Variants in NBDY observed in about 807,000 individuals in gnomAD.
NBDY encodes P-body dissociating protein.
intron 2 of NBDY, among the ~76,000 whole-genome samples, chrX:56,783,866 G>T (rs1297362547): frequency 1.8e-5 from 2 of 112,567 alleles, no homozygotes; most frequent in Non-Finnish European, 3.8e-5. Context: ...AGAAAGAAAC[G>T]GGCCAAAGAG....
At chrX:56,757,064 A>C (rs1434434765) in intron 2 of NBDY, among the ~76,000 whole-genome samples, 1 of 112,703 alleles carries the variant, frequency 8.9e-6, no homozygotes. Context: ...ACAACGATAA[A>C]TAATATTGAC....
intron 2 of NBDY, among the ~76,000 whole-genome samples, chrX:56,814,500 T>C (rs932114667): frequency 7.3e-5 from 8 of 109,775 alleles, no homozygotes; most frequent in Non-Finnish European, 1.3e-4. Context: ...CACATTTTTT[T>C]TTTTTTTTCT....
chrX:56,735,161 C>T (rs1008036504), intron 2 of NBDY, among the ~76,000 whole-genome samples: 3 of 112,131 alleles, frequency 2.7e-5, no homozygotes, highest in Non-Finnish European at 5.6e-5. Flanking sequence ...GAAAGGACTT[C>T]ACTGATGGAT....
intron 2 of NBDY, among the ~76,000 whole-genome samples, chrX:56,781,365 G>T (rs757111008): frequency 2.4e-4 from 27 of 111,894 alleles, no homozygotes; most frequent in African/African-American, 8.1e-4. Context: ...CTGATGGAGT[G>T]TGCGGGATGG....
intron 2 of NBDY, 143 bp downstream of exon 2, chrX:56,732,342 A>T (rs2069463800): frequency 3.7e-6 from 1 of 272,076 alleles, no homozygotes; most frequent in East Asian, 5.3e-5. Flanking sequence ...ATATGAAAAC[A>T]TATTCATAAT....
intron 2 of NBDY, among the ~76,000 whole-genome samples, chrX:56,783,653 G>A (rs1370357069): frequency 2.7e-5 from 3 of 111,980 alleles, no homozygotes; most frequent in Non-Finnish European, 3.8e-5. Flanking sequence ...ACCCAGTCCC[G>A]CACATTTTCG....
chrX:56,806,650 C>G (rs1291044849), intron 2 of NBDY, among the ~76,000 whole-genome samples: 1 of 112,017 alleles, frequency 8.9e-6, no homozygotes, highest in African/African-American at 3.3e-5. Context: ...CTTTCGCCCA[C>G]TTTTTGATGG....
chrX:56,815,745 T>G (rs1020145559), intron 2 of NBDY, among the ~76,000 whole-genome samples: 4 of 112,105 alleles, frequency 3.6e-5, no homozygotes, highest in Admixed American at 9.5e-5. Context: ...GAGATATTAT[T>G]AAATAAATAA....
chrX:56,802,436 C>G (rs866093818), intron 2 of NBDY, among the ~76,000 whole-genome samples: 1 of 102,945 alleles, frequency 9.7e-6, no homozygotes, highest in African/African-American at 3.6e-5. Context: ...CCCTCCCCCC[C>G]ACCCCATGTG....
chrX:56,782,575 G>T (rs1459463038), intron 2 of NBDY, among the ~76,000 whole-genome samples: 1 of 111,953 alleles, frequency 8.9e-6, no homozygotes, highest in African/African-American at 3.3e-5. Flanking sequence ...CTTCCCACAT[G>T]TTGCTTTTAA....
intron 2 of NBDY, among the ~76,000 whole-genome samples, chrX:56,732,591 A>T (rs754119886): frequency 4.5e-5 from 5 of 111,726 alleles, no homozygotes; most frequent in Non-Finnish European, 9.4e-5. Context: ...GAATAATGAC[A>T]GTTTCTTTAC....
At chrX:56,743,797 TG>T (rs1263428887) in intron 2 of NBDY, among the ~76,000 whole-genome samples, 1 of 111,178 alleles carries the variant, frequency 9.0e-6, no homozygotes, top group Non-Finnish European at 1.9e-5. Flanking sequence ...TCGGCTCTGG[TG>T]TTTATTATTT....
At chrX:56,782,982 G>GACAC (rs764680468) in intron 2 of NBDY, among the ~76,000 whole-genome samples, 10 of 110,885 alleles carry the variant, frequency 9.0e-5, no homozygotes, top group Non-Finnish European at 1.9e-4. Context: ...GATACACACA[G>GACAC]ACACACACAC....
At chrX:56,814,222 G>A (rs965892120) in intron 2 of NBDY, among the ~76,000 whole-genome samples, 3 of 109,826 alleles carry the variant, frequency 2.7e-5, no homozygotes, top group Admixed American at 9.7e-5. Flanking sequence ...TAATTTCATG[G>A]TTTTTGAGTC....
intron 2 of NBDY, among the ~76,000 whole-genome samples, chrX:56,747,450 A>G (rs1194050636): frequency 8.9e-6 from 1 of 111,849 alleles, no homozygotes; most frequent in Non-Finnish European, 1.9e-5. Flanking sequence ...TCAAGCAGTG[A>G]GAAAATAATG....
chrX:56,754,672 A>C (rs1236180974), intron 2 of NBDY, among the ~76,000 whole-genome samples: 2 of 111,945 alleles, frequency 1.8e-5, no homozygotes, highest in East Asian at 2.8e-4. Flanking sequence ...ACATGCCAGA[A>C]CTTAAGGGAC....
intron 2 of NBDY, among the ~76,000 whole-genome samples, chrX:56,755,962 T>TA (rs1257474468): frequency 1.9e-5 from 2 of 104,595 alleles, no homozygotes; most frequent in South Asian, 4.6e-4. Context: ...TATGCAGCCA[T>TA]AAAAAATGAT....
At chrX:56,734,140 C>T (rs777376922) in intron 2 of NBDY, among the ~76,000 whole-genome samples, 1 of 111,992 alleles carries the variant, frequency 8.9e-6, no homozygotes, top group Non-Finnish European at 1.9e-5. Flanking sequence ...GTGAAAATTC[C>T]ATCACTAACA....
At chrX:56,802,453 A>C in intron 2 of NBDY, among the ~76,000 whole-genome samples, 1 of 77,811 alleles carries the variant, frequency 1.3e-5, no homozygotes, top group East Asian at 4.9e-4. Flanking sequence ...TGTGAAAGCC[A>C]GGACAGCCTG....
Sources: gnomAD v4.1 joint callset for allele counts (sites outside exome capture counted in the v4.1 genomes callset) on GRCh38, gnomAD v4.1.1 for gene constraint, MANE v1.5 for transcripts, NCBI Gene and HGNC (gene_info 2026-07-23, HGNC 2026-07-21) for gene names.